RELN: variants seen among roughly 807,000 people sequenced by gnomAD.
RELN encodes reelin.
RELN carries 108 observed loss-of-function variants against 427.6 expected under a neutral mutation model. The observed-to-expected ratio is 0.25, with a 90% CI of 0.22 to 0.30. The LOEUF (loss-of-function observed/expected upper bound fraction) is 0.30. Ranked by LOEUF, RELN falls within the 10% of genes least tolerant of loss-of-function variation. The pLI is 1.00. For synonymous variants in RELN, 1,524 were observed against 1,513.4 expected (o/e 1.01, Z -0.16); for missense variants, 3,715 against 4,302.8 (o/e 0.86, Z 3.82).
intron 11 of RELN, among the ~76,000 whole-genome samples, chr7:103,681,489 TG>T (rs1433193025): frequency 3.3e-5 from 5 of 152,286 alleles, no homozygotes; most frequent in East Asian, 1.9e-4. Flanking sequence ...ATCTTATTAA[TG>T]TTTTTTTTCA....
chr7:103,741,586 T>G (rs1261476053), intron 6 of RELN, among the ~76,000 whole-genome samples: 4 of 140,076 alleles, frequency 2.9e-5, no homozygotes, highest in Non-Finnish European at 3.1e-5. Flanking sequence ...AAAAGGAGGG[T>G]GAGGGGAAGT....
Position 103,503,083 on chromosome 7 carries a change from A to ATATC in RELN, c.8421_8422insGATA (p.Ser2808AspfsTer8). On this transcript the variant is annotated frameshift_variant, in exon 52 of 65. Coordinates refer to ENST00000428762, the MANE Select transcript of RELN (RefSeq NM_005045.4). LOFTEE classifies it high-confidence loss of function. ...CACCCTTTAGTTGGAAAGAATACAG[A>ATATC]TGGCTGAGAAACACTTCCAGAGCAT... The ATATC allele has an allele frequency of 6.2e-7, 1 of 1,614,196 alleles. No homozygotes were observed. The highest frequency in any genetic ancestry group is 8.5e-7 in the Non-Finnish European group (1 of 1,180,038).
chr7:103,731,431 T>C (rs1371018825), intron 6 of RELN, among the ~76,000 whole-genome samples: 1 of 152,088 alleles, frequency 6.6e-6, no homozygotes, highest in Non-Finnish European at 1.5e-5. Flanking sequence ...ATGTGATAGG[T>C]GCTGACAGAA....
chr7:103,647,602 C>G (rs1383616696), intron 16 of RELN, among the ~76,000 whole-genome samples: 1 of 150,894 alleles, frequency 6.6e-6, no homozygotes, highest in Non-Finnish European at 1.5e-5. Flanking sequence ...TTAGAAGAAC[C>G]AATATGATTA....
At chr7:103,558,308 G>C (rs372280816) in intron 36 of RELN, among the ~76,000 whole-genome samples, 1 of 152,040 alleles carries the variant, frequency 6.6e-6, no homozygotes, top group Non-Finnish European at 1.5e-5. Context: ...TCTAAAAAGC[G>C]GTGCAAAAAT....
At chr7:103,566,445 G>A in intron 32 of RELN, 33 bp from the exon 33 acceptor site, 1 of 1,607,166 alleles carries the variant, frequency 6.2e-7, no homozygotes, top group Non-Finnish European at 8.5e-7. Flanking sequence ...GGTTAGAGAA[G>A]TTTTGTTACA....
At chr7:103,621,959 T>C (rs985852456) in intron 20 of RELN, among the ~76,000 whole-genome samples, 1 of 152,158 alleles carries the variant, frequency 6.6e-6, no homozygotes, top group Non-Finnish European at 1.5e-5. Context: ...GAGGTTGTAG[T>C]GAGCTGAGAT....
intron 28 of RELN, among the ~76,000 whole-genome samples, chr7:103,588,156 C>A (rs1302951088): frequency 1.3e-5 from 2 of 151,944 alleles, no homozygotes; most frequent in Non-Finnish European, 2.9e-5. Context: ...TCAACAGATA[C>A]ATGGATATAC....
chr7:103,745,653 A>T (rs1790803054), intron 6 of RELN, among the ~76,000 whole-genome samples: 1 of 150,960 alleles, frequency 6.6e-6, no homozygotes, highest in Non-Finnish European at 1.5e-5. Context: ...TCATGAGTGA[A>T]CTCCCATTCA....
intron 3 of RELN, among the ~76,000 whole-genome samples, chr7:103,829,202 G>T (rs1348730482): frequency 6.6e-6 from 1 of 151,924 alleles, no homozygotes; most frequent in East Asian, 1.9e-4. Flanking sequence ...TATTAATGTT[G>T]TAGTTGTTAT....
At chr7:103,885,141 C>T (rs1794695971) in intron 2 of RELN, among the ~76,000 whole-genome samples, 1 of 152,084 alleles carries the variant, frequency 6.6e-6, no homozygotes, top group African/African-American at 2.4e-5. Flanking sequence ...AGATCAAAAC[C>T]ATCCTGGCTA....
At chr7:103,935,941 C>T (rs772952168) in intron 1 of RELN, among the ~76,000 whole-genome samples, 1 of 152,140 alleles carries the variant, frequency 6.6e-6, no homozygotes, top group Non-Finnish European at 1.5e-5. Context: ...ACTGTAATCA[C>T]CTTTAACATG....
At chr7:103,523,666 A>G (rs989705888) in intron 46 of RELN, 135 bp from the exon 47 acceptor site, 15 of 862,296 alleles carry the variant, frequency 1.7e-5, no homozygotes, top group Middle Eastern at 2.6e-4. Flanking sequence ...AAGAACATTC[A>G]TTATTACAAT....
At chr7:103,648,883 G>T (rs1166659534) in intron 16 of RELN, among the ~76,000 whole-genome samples, 1 of 151,980 alleles carries the variant, frequency 6.6e-6, no homozygotes, top group African/African-American at 2.4e-5. Flanking sequence ...AAACCACAAT[G>T]AGATACCATC....
intron 2 of RELN, among the ~76,000 whole-genome samples, chr7:103,903,867 G>A (rs143999378): frequency 2.3e-3 from 349 of 150,938 alleles, no homozygotes; most frequent in African/African-American, 7.9e-3. Flanking sequence ...TTTAAGTTCC[G>A]GGATACATGT....
chr7:103,681,186 G>C (rs547049619), intron 11 of RELN, among the ~76,000 whole-genome samples: 14 of 152,116 alleles, frequency 9.2e-5, no homozygotes, highest in Non-Finnish European at 2.1e-4. Context: ...TATTGGGTCT[G>C]AATGGAGTTC....
intron 3 of RELN, among the ~76,000 whole-genome samples, chr7:103,810,929 C>T (rs899470122): frequency 1.3e-5 from 2 of 152,118 alleles, no homozygotes; most frequent in African/African-American, 4.8e-5. Flanking sequence ...TATGTTTTTG[C>T]TTGGATTGGA....
At position 103,742,054 on chromosome 7, in the gene RELN, CCT is replaced by C. The variant is rs963933853; in HGVS notation, c.656+7370_656+7371del. Among the ~76,000 whole-genome samples the C allele has an allele frequency of 3.3e-5, 5 of 152,228 alleles. No homozygotes were observed. The South Asian group carries it at 6.2e-4, about 19-fold the overall frequency. On this transcript the variant is annotated intron_variant, in intron 6 of 64. Transcript: ENST00000428762. ...CTGACACCGCACACGGCCAGGTACT[CCT>C]CTGAGACAAAACTTCCACAGGAACG...
intron 2 of RELN, among the ~76,000 whole-genome samples, chr7:103,860,699 C>T (rs553155325): frequency 6.6e-6 from 1 of 152,206 alleles, no homozygotes; most frequent in South Asian, 2.1e-4. Context: ...GCATGAGCCA[C>T]CGCACCCGGC....
Sources: gnomAD v4.1 joint callset for allele counts (sites outside exome capture counted in the v4.1 genomes callset) on GRCh38, gnomAD v4.1.1 for gene constraint, MANE v1.5 for transcripts, NCBI Gene and HGNC (gene_info 2026-07-23, HGNC 2026-07-21) for gene names.